The following CREG1 variants were observed in gnomAD, a reference collection of about 807,000 sequenced individuals.
CREG1 encodes cellular repressor of E1A stimulated genes 1, also known as protein CREG1.
In CREG1, 20 loss-of-function variants were observed where a neutral mutation model predicts 19.9. That is an observed-to-expected ratio of 1.01 (90% CI 0.71 to 1.46). The LOEUF is 1.46. Among genes scored for constraint, CREG1 ranks in the 40% most tolerant of loss-of-function variants. CREG1 has a pLI of 0.00. For synonymous variants in CREG1, 141 were observed against 143.3 expected (o/e 0.98, Z 0.12); for missense variants, 290 against 314.9 (o/e 0.92, Z 0.60).
intron 1 of CREG1, among the ~76,000 whole-genome samples, chr1:167,548,620 T>C (rs1656371212): frequency 6.6e-6 from 1 of 152,254 alleles, no homozygotes; most frequent in Non-Finnish European, 1.5e-5. Flanking sequence ...GGAGAAGTTG[T>C]TCATTCCTGC....
At chr1:167,552,672 G>T (rs1455728481) in intron 1 of CREG1, among the ~76,000 whole-genome samples, 1 of 152,234 alleles carries the variant, frequency 6.6e-6, no homozygotes, top group Admixed American at 6.5e-5. Flanking sequence ...TTCAGGAAGG[G>T]TAAGAGAGTG....
chr1:167,553,664 C>T lies in CREG1; in HGVS notation c.78G>A (p.Val26=), dbSNP rs1656470968. ...LLASTLLALL[V]SPARGRGGRD... ...GGCCGCCGCGACCCCGCGCGGGCGA[C>T]ACGAGCAGCGCCAACAGCGTCGACG... The change falls in exon 1 of 4, where the codon GTG becomes GTA. Residue 26 remains valine, a synonymous_variant. Transcript: ENST00000370509. 8 of 1,341,304 alleles carry T rather than the reference C, an allele frequency of 6.0e-6. No homozygotes were observed. Among genetic ancestry groups the T allele is most frequent in the Non-Finnish European group, 7.6e-6 (8 of 1,052,184 alleles). The allele number at this position is 1,341,304 out of a possible 1,614,324, so 83.1% of individuals were successfully genotyped here. A position where few individuals can be genotyped will look rare whatever the true frequency, so the allele number is the denominator to read the frequency against.
rs1266194987 is a variant in CREG1 at position 167,542,267 on chromosome 1, A to AT, written c.*30dup. 9 of 1,595,058 alleles carry AT rather than the reference A, an allele frequency of 5.6e-6. No homozygotes were observed. Among genetic ancestry groups the AT allele is most frequent in the Admixed American group, 1.8e-5 (1 of 55,846 alleles). On this transcript the variant is annotated 3_prime_UTR_variant, in exon 4 of 4. Transcript: ENST00000370509. ...TGTATGAGCCACTTTAAGAAACTTCATAAGTGTTGCTAAATTCACCACAGT... is the reference window on the plus strand; with the variant it reads ...TGTATGAGCCACTTTAAGAAACTTCATTAAGTGTTGCTAAATTCACCACAGT...
intron 1 of CREG1, among the ~76,000 whole-genome samples, chr1:167,551,114 T>C (rs1176935869): frequency 6.6e-6 from 1 of 152,162 alleles, no homozygotes; most frequent in Non-Finnish European, 1.5e-5. Context: ...TACAGACATT[T>C]ACTATACAAA....
intron 3 of CREG1, among the ~76,000 whole-genome samples, 183 bp from the exon 4 acceptor site, chr1:167,542,484 C>A (rs78534055): frequency 0.022 from 3,404 of 152,246 alleles, 141 homozygotes; most frequent in African/African-American, 0.078. Flanking sequence ...TCCTGAGTTT[C>A]GGTTTCAATA....
At chr1:167,545,834 T>C (rs2102149747) in intron 3 of CREG1, among the ~76,000 whole-genome samples, 1 of 152,294 alleles carries the variant, frequency 6.6e-6, no homozygotes, top group Admixed American at 6.5e-5. Flanking sequence ...ATAGACTTAT[T>C]ACTAGATCTT....
chr1:167,551,628 T>G (rs773200457), intron 1 of CREG1, among the ~76,000 whole-genome samples: 1 of 152,220 alleles, frequency 6.6e-6, no homozygotes, highest in Non-Finnish European at 1.5e-5. Context: ...TATGATTATG[T>G]ATTGGTCAAT....
rs1242004554 is a variant in CREG1 at position 167,541,048 on chromosome 1, TGAATAA to T, written c.*1244_*1249del. On this transcript the variant is annotated 3_prime_UTR_variant, in exon 4 of 4. Coordinates refer to ENST00000370509, the MANE Select transcript of CREG1 (RefSeq NM_003851.3). ...ATAATTCTTTTAATTATTGATGCTT[TGAATAA>T]GAAGTCCATTTTACTAAATTTAGTA... 1 of 152,262 alleles carries T rather than the reference TGAATAA, an allele frequency of 6.6e-6. No individual in the cohort carries two copies. The highest frequency in any genetic ancestry group is 1.5e-5 in the Non-Finnish European group (1 of 68,042). 9.4% of individuals were successfully genotyped at this position (152,262 alleles called of 1,614,324 possible).
At chr1:167,553,299 T>C in intron 1 of CREG1, 89 bp downstream of exon 1, 3 of 1,069,992 alleles carry the variant, frequency 2.8e-6, no homozygotes, top group South Asian at 4.7e-5. Flanking sequence ...ACGCTCCACT[T>C]CCCGGGAAGA....
chr1:167,553,343 G>A, intron 1 of CREG1, 45 bp downstream of exon 1: 2 of 1,301,338 alleles, frequency 1.5e-6, no homozygotes, highest in South Asian at 1.8e-5. Context: ...CTCTGTGGCC[G>A]CCCCGCCCAC....
chr1:167,544,605 T>C (rs1004053839), intron 3 of CREG1, among the ~76,000 whole-genome samples: 2 of 152,212 alleles, frequency 1.3e-5, no homozygotes, highest in Middle Eastern at 3.4e-3. Flanking sequence ...GCATCATGGA[T>C]AGAAGTCAGG....
At chr1:167,545,885 C>T (rs887972973) in intron 3 of CREG1, among the ~76,000 whole-genome samples, 2 of 152,072 alleles carry the variant, frequency 1.3e-5, no homozygotes, top group Non-Finnish European at 2.9e-5. Flanking sequence ...CACACATTTA[C>T]AAATATTTTC....
chr1:167,547,082 G>C (rs114960243), intron 2 of CREG1, among the ~76,000 whole-genome samples: 2,357 of 152,284 alleles, frequency 0.015, 58 homozygotes, highest in African/African-American at 0.054. Flanking sequence ...CATCCACAAA[G>C]AATTTACAGA....
rs1656237454 is a variant in CREG1, at chr1:167,542,120, A to G, written c.*178T>C. 5.7e-6 allele frequency: 3 copies of G among 522,854 alleles called. No individual in the cohort carries two copies. The highest frequency in any genetic ancestry group is 1.9e-5 in the African/African-American group (1 of 51,334). 32.4% of individuals were successfully genotyped at this position (522,854 alleles called of 1,614,324 possible). On this transcript the variant is annotated 3_prime_UTR_variant, in exon 4 of 4. Coordinates refer to ENST00000370509, the MANE Select transcript of CREG1 (RefSeq NM_003851.3). The stretch of plus-strand genomic sequence containing the variant: ...GCTACCACATCTTCCAGGAAATCCA[A>G]TAACAGGTCAACTCTATTGGTAAAC...
intron 3 of CREG1, among the ~76,000 whole-genome samples, chr1:167,545,625 G>A (rs772595696): frequency 1.3e-4 from 19 of 151,966 alleles, no homozygotes; most frequent in Non-Finnish European, 2.6e-4. Context: ...TCAGGAGTTC[G>A]ACACCACCCT....
intron 3 of CREG1, among the ~76,000 whole-genome samples, chr1:167,542,903 A>G (rs996746049): frequency 2.6e-5 from 4 of 152,236 alleles, no homozygotes; most frequent in Non-Finnish European, 4.4e-5. Flanking sequence ...TAGCACAAAC[A>G]TGCTGCTGCC....
At chr1:167,553,164 C>G (rs1259339902) in intron 1 of CREG1, among the ~76,000 whole-genome samples, 5 of 152,194 alleles carry the variant, frequency 3.3e-5, no homozygotes, top group Non-Finnish European at 7.3e-5. Context: ...GAGAATTTAC[C>G]CCAGGTGCGT....
Position 167,548,127 on chromosome 1 carries a change from G to A in CREG1, c.355-6C>T, listed in dbSNP as rs1408843512. 1 of 1,584,808 alleles carries A rather than the reference G, an allele frequency of 6.3e-7. No individual in the cohort carries two copies. On this transcript the variant is annotated splice_polypyrimidine_tract_variant and splice_region_variant and intron_variant, in intron 1 of 3. Transcript: ENST00000370509. ...AGTGTAGCATATGGATTCTCCTATA[G>A]AGAGAAAATGAAGATCCTCTCATGT...
rs1343091982 is a variant in CREG1, at chr1:167,546,116, T to G, written c.644A>C (p.Tyr215Ser). 4.4e-6 allele frequency: 7 copies of G among 1,604,728 alleles called. 1 individual carries two copies. The East Asian group carries it at 1.6e-4, about 36-fold the overall frequency. The change falls in exon 3 of 4, where the codon TAT (tyrosine) becomes TCT (serine). Residue 215 changes from tyrosine (Y) to serine (S), a missense_variant. By Grantham distance (144) the Tyr-to-Ser change is moderately radical. Coordinates refer to ENST00000370509, the MANE Select transcript of CREG1 (RefSeq NM_003851.3). ...AAGTACTTACTGAACTGTGACATTA[T>G]AATATTCTTCTGGTGTCACGATTTT... ...GPKIVTPEEY[Y>S]NVTVQ
Sources: allele counts gnomAD v4.1 joint callset (sites outside exome capture counted in the v4.1 genomes callset), GRCh38; gene constraint gnomAD v4.1.1; transcripts MANE v1.5; gene names NCBI Gene and HGNC (gene_info 2026-07-23, HGNC 2026-07-21).